Variants in CRKL observed in about 807,000 individuals in gnomAD.
CRKL encodes crk-like protein.
CRKL carries 3 observed loss-of-function variants against 23.0 expected under a neutral mutation model. The ratio of observed to expected loss-of-function variants is 0.13; its 90% CI spans 0.06 to 0.34. The LOEUF (loss-of-function observed/expected upper bound fraction) is 0.34, where lower values mean the gene tolerates loss of function less well. Among genes scored for constraint, CRKL ranks in the 10% least tolerant of loss-of-function variants. The pLI, the probability that CRKL is intolerant of heterozygous loss-of-function variation, is 1.00. For synonymous variants in CRKL, 188 were observed against 160.7 expected (o/e 1.17, Z -1.28); for missense variants, 256 against 394.5 (o/e 0.65, Z 2.97).
chr22:20,921,515 T>TACAGGAGGGACCTGTATA (rs11269946), intron 1 of CRKL, among the ~76,000 whole-genome samples: 115,118 of 150,676 alleles, frequency 0.76, 44,569 homozygotes, highest in East Asian at 0.92. Flanking sequence ...AAGATCAATA[T>TACAGGAGGGACCTGTATA]ACAGGAGGGA....
At chr22:20,938,457 A>T (rs955974026) in intron 2 of CRKL, among the ~76,000 whole-genome samples, 2 of 152,184 alleles carry the variant, frequency 1.3e-5, no homozygotes, top group Non-Finnish European at 2.9e-5. Context: ...AGCTGTAGAC[A>T]GGTGAGCATG....
chr22:20,925,410 G>C (rs1921163901), intron 1 of CRKL, among the ~76,000 whole-genome samples: 1 of 152,188 alleles, frequency 6.6e-6, no homozygotes, highest in African/African-American at 2.4e-5. Flanking sequence ...AGGTCTGGCA[G>C]GTCGGGAGTT....
At chr22:20,935,395 G>A (rs549709170) in intron 2 of CRKL, among the ~76,000 whole-genome samples, 1 of 152,112 alleles carries the variant, frequency 6.6e-6, no homozygotes, top group East Asian at 2.0e-4. Context: ...TTACAGACAT[G>A]TGCGACCACG....
At chr22:20,941,588 A>ATT (rs1198699701) in intron 2 of CRKL, among the ~76,000 whole-genome samples, 4,348 of 33,492 alleles carry the variant, frequency 0.13, 1,154 homozygotes, top group South Asian at 0.23. Context: ...GTATATATAT[A>ATT]TTTTTTTTTT....
At position 20,952,162 on chromosome 22, in the gene CRKL, T is replaced by C; in HGVS notation, c.*2317T>C. On this transcript the variant is annotated 3_prime_UTR_variant, in exon 3 of 3. Coordinates refer to ENST00000354336, the MANE Select transcript of CRKL (RefSeq NM_005207.4). The stretch of plus-strand genomic sequence containing the variant: ...TCAAGGAGGGCACGACCCTTAGGCC[T>C]TTTTCAACCAGATTTAGCTGAAGGG... 2 of 223,968 alleles carry C rather than the reference T, an allele frequency of 8.9e-6. No homozygotes were observed. The highest frequency in any genetic ancestry group is 1.8e-5 in the Non-Finnish European group (2 of 113,108). The allele number at this position is 223,968 out of a possible 1,614,324, so 13.9% of individuals were successfully genotyped here. A position where few individuals can be genotyped will look rare whatever the true frequency, so the allele number is the denominator to read the frequency against.
intron 2 of CRKL, among the ~76,000 whole-genome samples, chr22:20,942,528 T>C (rs1202546709): frequency 1.3e-5 from 2 of 152,232 alleles, no homozygotes; most frequent in East Asian, 3.8e-4. Context: ...AATGCTGCAG[T>C]GGACATTGAC....
Position 20,950,386 on chromosome 22 carries a change from G to C in CRKL, c.*541G>C. The C allele has an allele frequency of 8.6e-6, 2 of 232,760 alleles. No homozygotes were observed. The highest frequency in any genetic ancestry group is 1.2e-4 in the East Asian group (2 of 16,556). 14.4% of individuals were successfully genotyped at this position (232,760 alleles called of 1,614,324 possible). ...GAAAACTAATTAATTAGACTTGTGTGGGGGTTTTTTTTTGTTTTGTTTTGT... is the reference window on the plus strand; with the variant it reads ...GAAAACTAATTAATTAGACTTGTGTCGGGGTTTTTTTTTGTTTTGTTTTGT... On this transcript the variant is annotated 3_prime_UTR_variant, in exon 3 of 3. Coordinates refer to ENST00000354336, the MANE Select transcript of CRKL (RefSeq NM_005207.4).
intron 2 of CRKL, among the ~76,000 whole-genome samples, chr22:20,935,588 G>A (rs1432345373): frequency 6.7e-6 from 1 of 149,432 alleles, no homozygotes; most frequent in African/African-American, 2.5e-5. Context: ...GTGCAGTGGC[G>A]TGATCTTGGC....
At chr22:20,935,293 A>G (rs1921611965) in intron 2 of CRKL, among the ~76,000 whole-genome samples, 2 of 151,456 alleles carry the variant, frequency 1.3e-5, no homozygotes, top group South Asian at 4.2e-4. Flanking sequence ...TTGTATTTTT[A>G]GTATAGATGG....
At chr22:20,935,309 C>T (rs1412046559) in intron 2 of CRKL, among the ~76,000 whole-genome samples, 2 of 151,868 alleles carry the variant, frequency 1.3e-5, no homozygotes, top group Non-Finnish European at 1.5e-5. Flanking sequence ...GATGGGGTTT[C>T]ACCATGTTGG....
At position 20,951,558 on chromosome 22, in the gene CRKL, A is replaced by G. The variant is rs117003805; in HGVS notation, c.*1713A>G. On this transcript the variant is annotated 3_prime_UTR_variant, in exon 3 of 3. Coordinates refer to ENST00000354336, the MANE Select transcript of CRKL (RefSeq NM_005207.4). Reference sequence around the variant, plus strand: ...TCCCTTGTGGACCCTGGTAAAGAAAAGCCTCAGCTCATAGTGAACACAGCA... The same window carrying G: ...TCCCTTGTGGACCCTGGTAAAGAAAGGCCTCAGCTCATAGTGAACACAGCA... 7.4e-3 allele frequency: 1,663 copies of G among 225,102 alleles called. 15 individuals carry two copies. The highest frequency in any genetic ancestry group is 0.045 in the East Asian group (696 of 15,544). The allele number at this position is 225,102 out of a possible 1,614,324, so 13.9% of individuals were successfully genotyped here.
At chr22:20,927,111 CAAAAAAAA>C (rs371278201) in intron 1 of CRKL, among the ~76,000 whole-genome samples, 4 of 48,520 alleles carry the variant, frequency 8.2e-5, no homozygotes, top group East Asian at 2.3e-3. Context: ...GACTCCGTCT[CAAAAAAAA>C]AAAAAAAAAA....
chr22:20,917,967 C>T lies in CRKL; in HGVS notation c.33C>T (p.Arg11=), dbSNP rs1271911065. Residue 11 remains arginine, a synonymous_variant, in exon 1 of 3, where the codon CGC becomes CGT. Transcript: ENST00000354336. MSSARFDSSD[R]SAWYMGPVSR... is the part of the protein sequence containing the mutation. ...CCGCCAGGTTCGACTCCTCGGACCG[C>T]TCCGCCTGGTATATGGGGCCGGTGT... The T allele has an allele frequency of 1.9e-6, 3 of 1,613,984 alleles. No homozygotes were observed. Among genetic ancestry groups the T allele is most frequent in the Non-Finnish European group, 2.5e-6 (3 of 1,180,022 alleles).
At position 20,917,681 on chromosome 22, in the gene CRKL, TG is replaced by T. The variant is rs1929740954; in HGVS notation, c.-253del. The T allele has an allele frequency of 1.9e-6, 1 of 517,238 alleles. No homozygotes were observed. The allele number at this position is 517,238 out of a possible 1,614,324, so 32.0% of individuals were successfully genotyped here. A position where few individuals can be genotyped will look rare whatever the true frequency, so the allele number is the denominator to read the frequency against. On this transcript the variant is annotated 5_prime_UTR_variant, in exon 1 of 3. Transcript: ENST00000354336. Reference sequence around the variant, plus strand: ...GCCTCCGCTGCGGCTCGGGTTTGCCTGCCCCGACCCCCCGGCTCTGCCGTGC... The same window carrying T: ...GCCTCCGCTGCGGCTCGGGTTTGCCTCCCCGACCCCCCGGCTCTGCCGTGC...
In CRKL at chr22:20,949,694, C is replaced by T. The variant is rs1393880455; in HGVS notation, c.778-17C>T. On this transcript the variant is annotated splice_polypyrimidine_tract_variant and intron_variant, in intron 2 of 2. Coordinates refer to ENST00000354336, the MANE Select transcript of CRKL (RefSeq NM_005207.4). ...TGTTGCAGAGAAATGCTAACTTTGTCTTCTTCATCCATACAGGTTGGTGAC... is the reference window on the plus strand; with the variant it reads ...TGTTGCAGAGAAATGCTAACTTTGTTTTCTTCATCCATACAGGTTGGTGAC... The T allele has an allele frequency of 1.2e-6, 2 of 1,606,682 alleles. No homozygotes were observed. Among genetic ancestry groups the T allele is most frequent in the Non-Finnish European group, 1.7e-6 (2 of 1,178,150 alleles).
rs533064758 is a variant in CRKL at position 20,952,995 on chromosome 22, G to A, written c.*3150G>A. 6.0e-5 allele frequency: 14 copies of A among 231,824 alleles called. No individual in the cohort carries two copies. Among genetic ancestry groups the A allele is most frequent in the African/African-American group, 1.3e-4 (6 of 45,362 alleles). 14.4% of individuals were successfully genotyped at this position (231,824 alleles called of 1,614,324 possible). A position where few individuals can be genotyped will look rare whatever the true frequency, so the allele number is the denominator to read the frequency against. On this transcript the variant is annotated 3_prime_UTR_variant, in exon 3 of 3. Coordinates refer to ENST00000354336, the MANE Select transcript of CRKL (RefSeq NM_005207.4). The stretch of plus-strand genomic sequence containing the variant: ...TCCTGGGAGCTCATGTGTCCCTGGC[G>A]CTGTGCTAGCTTTCCTTTACAGCTG...
Position 20,917,621 on chromosome 22 carries a change from C to T in CRKL, c.-314C>T, listed in dbSNP as rs182805248. 2.4e-6 allele frequency: 1 copy of T among 409,254 alleles called. No individual in the cohort carries two copies. Among genetic ancestry groups the T allele is most frequent in the East Asian group, 4.2e-5 (1 of 23,554 alleles). The allele number at this position is 409,254 out of a possible 1,614,324, so 25.4% of individuals were successfully genotyped here. ...CAGGCCGGGAGTCACTGGAGGCACCCCTGGGACGCCGAGCAGCCCGAGAAC... is the reference window on the plus strand; with the variant it reads ...CAGGCCGGGAGTCACTGGAGGCACCTCTGGGACGCCGAGCAGCCCGAGAAC... On this transcript the variant is annotated 5_prime_UTR_variant, in exon 1 of 3. Transcript: ENST00000354336.
rs1478618797 is a variant in CRKL, at chr22:20,917,806, C to T, written c.-129C>T. On this transcript the variant is annotated 5_prime_UTR_variant, in exon 1 of 3. Coordinates refer to ENST00000354336, the MANE Select transcript of CRKL (RefSeq NM_005207.4). ...GCCGAGAGGAAAGTGCTGGCCCAGC[C>T]CTCTGAGCGCTCCTCGAGGTGTGCG... is the stretch of plus-strand genomic sequence containing the variant. The T allele has an allele frequency of 9.0e-6, 8 of 886,168 alleles. No homozygotes were observed. Among genetic ancestry groups the T allele is most frequent in the African/African-American group, 1.7e-5 (1 of 58,884 alleles). The allele number at this position is 886,168 out of a possible 1,614,324, so 54.9% of individuals were successfully genotyped here.
At chr22:20,930,292 A>G (rs1197499842) in intron 1 of CRKL, among the ~76,000 whole-genome samples, 1 of 152,212 alleles carries the variant, frequency 6.6e-6, no homozygotes, top group Non-Finnish European at 1.5e-5. Context: ...CAGCTTTTCC[A>G]TAGAGTCTCT....
Sources: gnomAD v4.1 joint callset for allele counts (sites outside exome capture counted in the v4.1 genomes callset) on GRCh38, gnomAD v4.1.1 for gene constraint, MANE v1.5 for transcripts, NCBI Gene and HGNC (gene_info 2026-07-23, HGNC 2026-07-21) for gene names.